The following SLC39A9 variants were observed in gnomAD, a reference collection of about 807,000 sequenced individuals.
SLC39A9 encodes zinc transporter ZIP9.
SLC39A9 carries 14 observed loss-of-function variants against 28.4 expected under a neutral mutation model. The ratio of observed to expected loss-of-function variants is 0.49; its 90% CI spans 0.33 to 0.77. The LOEUF (loss-of-function observed/expected upper bound fraction) is 0.77, where lower values mean the gene tolerates loss of function less well. Among genes scored for constraint, SLC39A9 ranks in the 30% least tolerant of loss-of-function variants. SLC39A9 has a pLI of 0.02. For synonymous variants in SLC39A9, 119 were observed against 149.6 expected (o/e 0.80, Z 1.49); for missense variants, 283 against 381.1 (o/e 0.74, Z 2.14).
intron 1 of SLC39A9, among the ~76,000 whole-genome samples, chr14:69,421,881 A>G (rs985500902): frequency 9.2e-5 from 14 of 152,116 alleles, no homozygotes; most frequent in Non-Finnish European, 4.4e-5. Context: ...TTGGGTGGCA[A>G]TGTCCCGATT....
chr14:69,440,113 G>C (rs1228896690), intron 2 of SLC39A9, among the ~76,000 whole-genome samples: 1 of 151,970 alleles, frequency 6.6e-6, no homozygotes, highest in Non-Finnish European at 1.5e-5. Context: ...GAGGGGAAGG[G>C]CCCCTTAAAA....
At chr14:69,446,947 T>G (rs4902718) in intron 3 of SLC39A9, among the ~76,000 whole-genome samples, 115,984 of 129,290 alleles carry the variant, frequency 0.9, 51,903 homozygotes, top group Middle Eastern at 0.94. Flanking sequence ...TATATATATA[T>G]AGAGAGAGAG....
At chr14:69,429,480 G>T (rs1594926626) in intron 2 of SLC39A9, 1 of 152,098 alleles carries the variant, frequency 6.6e-6, no homozygotes, top group East Asian at 1.9e-4. Flanking sequence ...TAATGTACTG[G>T]TTGTTGTATG....
rs1886062582 is a variant in SLC39A9, at chr14:69,460,407, G to T, written c.*1814G>T. ...TTACTACCAAGAGAAGGTATAGTAT[G>T]GAAAGTCCAAATGACTTCCTTGATT... On this transcript the variant is annotated 3_prime_UTR_variant, in exon 7 of 7. Transcript: ENST00000336643. 1.0e-6 allele frequency: 1 copy of T among 985,342 alleles called. No individual in the cohort carries two copies. Among genetic ancestry groups the T allele is most frequent in the Admixed American group, 6.1e-5 (1 of 16,270 alleles). 61.0% of individuals were successfully genotyped at this position (985,342 alleles called of 1,614,324 possible).
chr14:69,415,117 C>A (rs1383534014), intron 1 of SLC39A9, among the ~76,000 whole-genome samples: 1 of 152,086 alleles, frequency 6.6e-6, no homozygotes, highest in African/African-American at 2.4e-5. Context: ...TATGAATATT[C>A]TTGTACAAGT....
At chr14:69,404,833 C>T (rs943383628) in intron 1 of SLC39A9, among the ~76,000 whole-genome samples, 1 of 152,066 alleles carries the variant, frequency 6.6e-6, no homozygotes, top group Non-Finnish European at 1.5e-5. Context: ...TTTGTTCTTT[C>T]GTGTTTTAAA....
At chr14:69,449,967 C>A (rs1885525298) in intron 3 of SLC39A9, among the ~76,000 whole-genome samples, 1 of 151,848 alleles carries the variant, frequency 6.6e-6, no homozygotes, top group African/African-American at 2.4e-5. Flanking sequence ...GCGGGTGAAT[C>A]ATGAGGTCAG....
chr14:69,417,826 T>C (rs1297888539), intron 1 of SLC39A9, among the ~76,000 whole-genome samples: 2 of 152,222 alleles, frequency 1.3e-5, no homozygotes, highest in Non-Finnish European at 2.9e-5. Flanking sequence ...TTTTGTATCC[T>C]GAGACTTTGC....
chr14:69,407,109 C>G (rs1308538977), intron 1 of SLC39A9, among the ~76,000 whole-genome samples: 1 of 151,912 alleles, frequency 6.6e-6, no homozygotes, highest in Non-Finnish European at 1.5e-5. Context: ...CTCGGCCTCC[C>G]AAAGTTCTGG....
At chr14:69,401,717 G>A (rs570598607) in intron 1 of SLC39A9, among the ~76,000 whole-genome samples, 13 of 152,012 alleles carry the variant, frequency 8.6e-5, no homozygotes, top group Non-Finnish European at 1.3e-4. Flanking sequence ...TTAAATTGAC[G>A]GTCAGATGGT....
At chr14:69,424,264 G>A in intron 2 of SLC39A9, 62 bp downstream of exon 2, 1 of 1,244,928 alleles carries the variant, frequency 8.0e-7, no homozygotes, top group Non-Finnish European at 1.2e-6. Context: ...GCAGGATGAA[G>A]CTTAGTGGTA....
chr14:69,450,995 C>T (rs553149353), intron 3 of SLC39A9, among the ~76,000 whole-genome samples: 2 of 152,234 alleles, frequency 1.3e-5, no homozygotes, highest in East Asian at 3.9e-4. Flanking sequence ...TGCTAAACTG[C>T]AGTCTTTATA....
At chr14:69,410,253 A>G (rs577221400) in intron 1 of SLC39A9, among the ~76,000 whole-genome samples, 5 of 152,356 alleles carry the variant, frequency 3.3e-5, no homozygotes, top group African/African-American at 1.2e-4. Context: ...CCTTGATGTC[A>G]AATGAGTTAG....
At chr14:69,442,538 G>A (rs1885098736) in intron 3 of SLC39A9, among the ~76,000 whole-genome samples, 1 of 152,134 alleles carries the variant, frequency 6.6e-6, no homozygotes, top group Non-Finnish European at 1.5e-5. Context: ...TTAGTTTTTT[G>A]CTGTGGAGCC....
intron 3 of SLC39A9, among the ~76,000 whole-genome samples, chr14:69,448,102 C>T (rs1384117791): frequency 6.7e-6 from 1 of 149,992 alleles, no homozygotes; most frequent in Non-Finnish European, 1.5e-5. Flanking sequence ...GTAGTCCCAG[C>T]TACTCGGGAG....
chr14:69,449,775 A>G lies in SLC39A9; in HGVS notation c.404-3466A>G, dbSNP rs1396509525. 2.0e-5 allele frequency among the ~76,000 whole-genome samples: 3 copies of G among 152,262 alleles called. No individual in the cohort carries two copies. In the East Asian group the frequency reaches 5.8e-4, roughly 29 times the overall value. On this transcript the variant is annotated intron_variant, in intron 3 of 6. Coordinates refer to ENST00000336643, the MANE Select transcript of SLC39A9 (RefSeq NM_018375.5). ...AGAACAGAGAGTAGCTGCAGAAAGT[A>G]ATGACCTTTTCTGTGTTCTCTGATC... is the stretch of plus-strand genomic sequence containing the variant.
Position 69,458,748 on chromosome 14 carries a change from T to G in SLC39A9, c.*155T>G, listed in dbSNP as rs1885985453. Reference sequence around the variant, plus strand: ...AGGGGAGGTGAGGTTAAAACCTGAGTAATGGAAAAGCTTTTAGAGTAGAAA... The same window carrying G: ...AGGGGAGGTGAGGTTAAAACCTGAGGAATGGAAAAGCTTTTAGAGTAGAAA... On this transcript the variant is annotated 3_prime_UTR_variant, in exon 7 of 7. Coordinates refer to ENST00000336643, the MANE Select transcript of SLC39A9 (RefSeq NM_018375.5). 6 of 1,383,386 alleles carry G rather than the reference T, an allele frequency of 4.3e-6. No homozygotes were observed. The highest frequency in any genetic ancestry group is 5.6e-6 in the Non-Finnish European group (6 of 1,069,790). The allele number at this position is 1,383,386 out of a possible 1,614,324, so 85.7% of individuals were successfully genotyped here. A position where few individuals can be genotyped will look rare whatever the true frequency, so the allele number is the denominator to read the frequency against.
At chr14:69,408,324 G>C (rs535525770) in intron 1 of SLC39A9, among the ~76,000 whole-genome samples, 2 of 152,104 alleles carry the variant, frequency 1.3e-5, no homozygotes, top group Non-Finnish European at 2.9e-5. Flanking sequence ...CCTTTTGTAG[G>C]TATTCTTTAT....
Position 69,458,398 on chromosome 14 carries a change from G to A in SLC39A9, c.729G>A (p.Thr243=), listed in dbSNP as rs778987426. 57 of 1,614,044 alleles carry A rather than the reference G, an allele frequency of 3.5e-5. No individual in the cohort carries two copies. Among genetic ancestry groups the A allele is most frequent in the African/African-American group, 2.1e-4 (16 of 74,938 alleles). The part of the protein sequence containing the change: ...SKEALSEVNA[T]GVAMLFSAGT... The stretch of plus-strand genomic sequence containing the variant: ...AAGCCCTTTCAGAGGTGAACGCCAC[G>A]GGAGTGGCCATGCTTTTCTCTGCCG... The change falls in exon 7 of 7, where the codon ACG becomes ACA. Residue 243 remains threonine (T), a synonymous_variant. Transcript: ENST00000336643.
Sources: gnomAD v4.1 joint callset for allele counts (sites outside exome capture counted in the v4.1 genomes callset) on GRCh38, gnomAD v4.1.1 for gene constraint, MANE v1.5 for transcripts, NCBI Gene and HGNC (gene_info 2026-07-23, HGNC 2026-07-21) for gene names.